The following ATL1 variants were observed in gnomAD, a reference collection of about 807,000 sequenced individuals.
ATL1 encodes atlastin-1.
Under a neutral mutation model 75.5 loss-of-function variants are expected in ATL1, and 31 were observed. The ratio of observed to expected loss-of-function variants is 0.41; its 90% CI spans 0.31 to 0.55. The LOEUF is 0.55. Among genes scored for constraint, ATL1 ranks in the 20% least tolerant of loss-of-function variants. ATL1 has a pLI of 0.27. For missense variants in ATL1, 405 were observed against 662.6 expected, an observed-to-expected ratio of 0.61 and a Z score of 4.27; for synonymous variants, 226 against 233.3, an observed-to-expected ratio of 0.97 and a Z score of 0.28.
intron 6 of ATL1, among the ~76,000 whole-genome samples, chr14:50,596,685 A>AGTAAAAGTTAGTAAAAGTTAGTAAG (rs1307752711): frequency 6.6e-6 from 1 of 152,234 alleles, no homozygotes; most frequent in East Asian, 1.9e-4. Context: ...TGCTCATTTT[A>AGTAAAAGTTAGTAAAAGTTAGTAAG]AAAAGCATAT....
At chr14:50,630,888 T>G (rs917602888) in intron 13 of ATL1, 1 of 449,286 alleles carries the variant, frequency 2.2e-6, no homozygotes, top group African/African-American at 2.0e-5. Context: ...AGAATCAGAA[T>G]ATAATGGAAA....
rs571308113 is a variant in ATL1 at position 50,589,409 on chromosome 14, C to T, written c.282+1331C>T. Among the ~76,000 whole-genome samples the T allele has an allele frequency of 1.8e-4, 28 of 152,156 alleles. No homozygotes were observed. The South Asian group carries it at 5.0e-3, about 27-fold the overall frequency. On this transcript the variant is annotated intron_variant, in intron 2 of 13. Transcript: ENST00000358385. ...TCCTAACCTTGTGATCCACCTGCCT[C>T]GGCCTCCCAAAGTGCTGAGATTACA...
rs1013126342 is a variant in ATL1, at chr14:50,628,550, A to G, written c.1551+88A>G. 8 of 1,377,850 alleles carry G rather than the reference A, an allele frequency of 5.8e-6. No homozygotes were observed. The African/African-American group carries it at 1.1e-4, about 20-fold the overall frequency. 85.4% of individuals were successfully genotyped at this position (1,377,850 alleles called of 1,614,324 possible). On this transcript the variant is annotated intron_variant, in intron 12 of 13. Coordinates refer to ENST00000358385, the MANE Select transcript of ATL1 (RefSeq NM_015915.5). ...CCACTGCATTAGATGTTGGAAATAC[A>G]GATCAACAGGAATTGGGCCCCAGTC...
At chr14:50,585,634 G>T (rs2039094771) in intron 1 of ATL1, among the ~76,000 whole-genome samples, 1 of 152,086 alleles carries the variant, frequency 6.6e-6, no homozygotes, top group African/African-American at 2.4e-5. Flanking sequence ...TTATTTAATG[G>T]AAATTACTTT....
chr14:50,564,506 G>A (rs564833628), intron 1 of ATL1, among the ~76,000 whole-genome samples: 53 of 151,830 alleles, frequency 3.5e-4, no homozygotes, highest in Non-Finnish European at 7.1e-4. Context: ...AAAATTAGCC[G>A]GGTATGGTGG....
chr14:50,568,164 A>T (rs1201032206), intron 1 of ATL1, among the ~76,000 whole-genome samples: 1 of 152,152 alleles, frequency 6.6e-6, no homozygotes, highest in Non-Finnish European at 1.5e-5. Context: ...ATATATTTTG[A>T]TACAGTGTTC....
chr14:50,591,758 G>A, intron 4 of ATL1, 119 bp downstream of exon 4: 1 of 741,534 alleles, frequency 1.3e-6, no homozygotes, highest in South Asian at 1.6e-5. Flanking sequence ...TATATTGTTT[G>A]ACTCAATTAG....
chr14:50,592,929 A>AATAT (rs1555364084), intron 4 of ATL1, among the ~76,000 whole-genome samples: 1,616 of 113,740 alleles, frequency 0.014, 25 homozygotes, highest in East Asian at 0.044. Flanking sequence ...AAAAAAAAAA[A>AATAT]ATATATATAT....
rs2039538401 is a variant in ATL1, at chr14:50,628,057, G to T, written c.1146G>T (p.Leu382=). The T allele has an allele frequency of 6.2e-7, 1 of 1,614,060 alleles. No individual in the cohort carries two copies. The highest frequency in any genetic ancestry group is 8.5e-7 in the Non-Finnish European group (1 of 1,180,004). The part of the protein sequence containing the change: ...EEICGGDKPF[L]APNDLQTKHL... ...TTTGTGGTGGTGACAAACCATTTCT[G>T]GCCCCAAATGACTTGCAGACCAAAC... Residue 382 remains leucine (L), a synonymous_variant, in exon 12 of 14, where the codon CTG becomes CTT. Transcript: ENST00000358385.
At chr14:50,602,074 A>G (rs1010368373) in intron 6 of ATL1, among the ~76,000 whole-genome samples, 1 of 152,296 alleles carries the variant, frequency 6.6e-6, no homozygotes, top group Non-Finnish European at 1.5e-5. Context: ...CAGGATCCCT[A>G]CGACTAATTC....
intron 11 of ATL1, among the ~76,000 whole-genome samples, chr14:50,627,151 A>G (rs2039529148): frequency 6.6e-6 from 1 of 152,258 alleles, no homozygotes; most frequent in Non-Finnish European, 1.5e-5. Flanking sequence ...CACCCTAATC[A>G]GTCAGCAGCC....
intron 9 of ATL1, among the ~76,000 whole-genome samples, chr14:50,621,335 TG>T (rs1276579004): frequency 9.2e-5 from 14 of 152,258 alleles, no homozygotes; most frequent in Admixed American, 9.2e-4. Context: ...ATTCATGTTT[TG>T]TCATTTAATA....
intron 11 of ATL1, among the ~76,000 whole-genome samples, chr14:50,626,286 C>G (rs1333074521): frequency 1.3e-5 from 2 of 152,166 alleles, no homozygotes; most frequent in Non-Finnish European, 2.9e-5. Flanking sequence ...TGAAAACCTT[C>G]CAGGAGAAAT....
At chr14:50,569,614 G>A (rs2038936926) in intron 1 of ATL1, among the ~76,000 whole-genome samples, 1 of 151,984 alleles carries the variant, frequency 6.6e-6, no homozygotes, top group African/African-American at 2.4e-5. Flanking sequence ...TTTAATGATT[G>A]CCCATGTATT....
chr14:50,592,531 AG>A (rs1194743357), intron 4 of ATL1, among the ~76,000 whole-genome samples: 1 of 122,354 alleles, frequency 8.2e-6, no homozygotes, highest in Non-Finnish European at 1.8e-5. Context: ...AGGACTTTAA[AG>A]TAAAAGTCAT....
intron 1 of ATL1, among the ~76,000 whole-genome samples, chr14:50,546,116 A>G (rs1389345528): frequency 6.6e-6 from 1 of 152,226 alleles, no homozygotes; most frequent in Non-Finnish European, 1.5e-5. Context: ...TAAATGTTAG[A>G]AACTCATTTG....
rs570598589 is a variant in ATL1, at chr14:50,611,669, G to C, written c.631-1590G>C. On this transcript the variant is annotated intron_variant, in intron 6 of 13. Coordinates refer to ENST00000358385, the MANE Select transcript of ATL1 (RefSeq NM_015915.5). ...AAAGGGCCAACAAACATATGACAAT[G>C]TGCTTAATTTCATTAATCATCAGGG... Among the ~76,000 whole-genome samples, 4 of 152,258 alleles carry C rather than the reference G, an allele frequency of 2.6e-5. No individual in the cohort carries two copies. The East Asian group carries it at 5.8e-4, about 22-fold the overall frequency.
chr14:50,596,105 A>C (rs2039214267), intron 6 of ATL1, among the ~76,000 whole-genome samples: 1 of 152,192 alleles, frequency 6.6e-6, no homozygotes, highest in African/African-American at 2.4e-5. Flanking sequence ...TTTTTGTGAG[A>C]CTTCAAGTCT....
At chr14:50,541,759 G>T (rs374242629) in intron 1 of ATL1, among the ~76,000 whole-genome samples, 5 of 151,914 alleles carry the variant, frequency 3.3e-5, no homozygotes, top group African/African-American at 1.2e-4. Flanking sequence ...GGTGGCTCAC[G>T]CCTGTAATCC....
Sources: allele counts gnomAD v4.1 joint callset (sites outside exome capture counted in the v4.1 genomes callset), GRCh38; gene constraint gnomAD v4.1.1; transcripts MANE v1.5; gene names NCBI Gene and HGNC (gene_info 2026-07-23, HGNC 2026-07-21).